Variants in KIF5C observed in about 807,000 individuals in gnomAD.
The protein encoded by KIF5C is kinesin heavy chain isoform 5C.
Under a neutral mutation model 125.2 loss-of-function variants are expected in KIF5C, and 18 were observed. That is an observed-to-expected ratio of 0.14 (90% CI 0.10 to 0.21). KIF5C has a LOEUF of 0.21. Among genes scored for constraint, KIF5C ranks in the 10% least tolerant of loss-of-function variants. KIF5C has a pLI of 1.00. For synonymous variants in KIF5C, 405 were observed against 434.0 expected (o/e 0.93, Z 0.83); for missense variants, 780 against 1,183.8 (o/e 0.66, Z 5.01).
chr2:148,941,540 A>C, intron 4 of KIF5C, 70 bp from the exon 5 acceptor site: 1 of 1,538,300 alleles, frequency 6.5e-7, no homozygotes, highest in South Asian at 1.2e-5. Context: ...AGCTTTCATA[A>C]GTACTAATAA....
rs933236763 is a variant in KIF5C at position 148,987,602 on chromosome 2, A to G, written c.1717-3408A>G. The stretch of plus-strand genomic sequence containing the variant: ...TATGACCAGGCGTTTCCAACTTCCC[A>G]ATCTGTCCTGGGCTGGAACTCGGTA... On this transcript the variant is annotated intron_variant, in intron 15 of 25. Coordinates refer to ENST00000435030, the MANE Select transcript of KIF5C (RefSeq NM_004522.3). 3.3e-5 allele frequency among the ~76,000 whole-genome samples: 5 copies of G among 152,058 alleles called. No individual in the cohort carries two copies. The South Asian group carries it at 1.0e-3, about 32-fold the overall frequency.
chr2:149,017,435 T>C (rs1039218031), intron 25 of KIF5C, among the ~76,000 whole-genome samples: 2 of 152,202 alleles, frequency 1.3e-5, no homozygotes, highest in Non-Finnish European at 2.9e-5. Flanking sequence ...CAGGCAGTGC[T>C]GAGTCTTCTT....
In KIF5C at chr2:148,981,547, C is replaced by T. The variant is rs1288076977; in HGVS notation, c.1555C>T (p.Leu519=). ...GGCCAATGAGCAGCTGACAGACGAG[C>T]TGGCCCAGAAAACGGTTGGAGCATT... is the stretch of plus-strand genomic sequence containing the variant. ...TRANEQLTDE[L]AQKTTTLTTT... Residue 519 remains leucine (L), a synonymous_variant, in exon 14 of 26, where the codon CTG becomes TTG. Transcript: ENST00000435030. 1 of 1,598,040 alleles carries T rather than the reference C, an allele frequency of 6.3e-7. No homozygotes were observed. Among genetic ancestry groups the T allele is most frequent in the Non-Finnish European group, 8.5e-7 (1 of 1,172,488 alleles).
intron 16 of KIF5C, among the ~76,000 whole-genome samples, chr2:148,994,034 G>A (rs761453514): frequency 1.3e-5 from 2 of 152,162 alleles, no homozygotes; most frequent in African/African-American, 4.8e-5. Flanking sequence ...ATAATTGAAT[G>A]GTGAAGATGG....
chr2:148,880,309 T>C (rs1181219742), intron 1 of KIF5C, among the ~76,000 whole-genome samples: 1 of 152,138 alleles, frequency 6.6e-6, no homozygotes, highest in Non-Finnish European at 1.5e-5. Flanking sequence ...TTAGTAGAGA[T>C]GGGGTTTCAC....
chr2:148,927,550 G>A (rs1214322609), intron 2 of KIF5C, among the ~76,000 whole-genome samples: 1 of 151,964 alleles, frequency 6.6e-6, no homozygotes, highest in African/African-American at 2.4e-5. Context: ...TGGTAATTTC[G>A]AATAAATGGA....
intron 10 of KIF5C, among the ~76,000 whole-genome samples, chr2:148,957,991 A>G (rs1682838912): frequency 6.6e-6 from 1 of 151,382 alleles, no homozygotes; most frequent in Admixed American, 6.6e-5. Flanking sequence ...TCTTTCATAC[A>G]GCGTTTTATC....
intron 1 of KIF5C, among the ~76,000 whole-genome samples, chr2:148,909,989 G>T (rs1681268121): frequency 1.3e-5 from 2 of 152,178 alleles, no homozygotes; most frequent in South Asian, 4.1e-4. Context: ...GGTAGTCTCT[G>T]CCTGGCACTT....
At chr2:148,998,938 C>T (rs61586364) in intron 19 of KIF5C, 2,410 of 159,654 alleles carry the variant, frequency 0.015, 60 homozygotes, top group African/African-American at 0.055. Flanking sequence ...ACAGCACCAC[C>T]GCCTCCCCTT....
At position 148,941,937 on chromosome 2, in the gene KIF5C, T is replaced by C; in HGVS notation, c.448T>C (p.Ser150Pro). ...TGCTGTCATTCTCATCTTTTTAGTA[T>C]CCAAGACCAACTTGGCTGTTCATGA... ...LDKIRDLLDV[S>P]KTNLAVHEDK... The change falls in exon 6 of 26, where the codon TCC (serine) becomes CCC (proline). Residue 150 changes from serine to proline, a missense_variant and splice_region_variant. Physicochemically the swap from Ser to Pro is moderately conservative, Grantham distance 74 (BLOSUM62 -1). Transcript: ENST00000435030. 6.2e-7 allele frequency: 1 copy of C among 1,612,114 alleles called. No individual in the cohort carries two copies. Among genetic ancestry groups the C allele is most frequent in the Non-Finnish European group, 8.5e-7 (1 of 1,179,588 alleles).
intron 25 of KIF5C, among the ~76,000 whole-genome samples, chr2:149,016,339 G>C (rs529554800): frequency 6.6e-6 from 1 of 151,184 alleles, no homozygotes; most frequent in East Asian, 1.9e-4. Context: ...GAAGGGGTAG[G>C]AATGGGGTAA....
chr2:148,889,863 G>T (rs1026913407), intron 1 of KIF5C, among the ~76,000 whole-genome samples: 5 of 152,156 alleles, frequency 3.3e-5, no homozygotes, highest in African/African-American at 1.2e-4. Flanking sequence ...ACCTGAGTAA[G>T]GTAAACAAAA....
At position 148,875,598 on chromosome 2, in the gene KIF5C, C is replaced by G. The variant is rs1321093485; in HGVS notation, c.-20C>G. 5.3e-6 allele frequency: 8 copies of G among 1,516,696 alleles called. 1 individual carries two copies. Among genetic ancestry groups the G allele is most frequent in the African/African-American group, 2.8e-5 (2 of 71,904 alleles). The allele number at this position is 1,516,696 out of a possible 1,614,324, so 94.0% of individuals were successfully genotyped here. ...CGGCCCCCCACCCATCCCCGTGCCCCCTCCCTACCGCCGGCCGAGATGGCG... is the reference window on the plus strand; with the variant it reads ...CGGCCCCCCACCCATCCCCGTGCCCGCTCCCTACCGCCGGCCGAGATGGCG... On this transcript the variant is annotated 5_prime_UTR_variant, in exon 1 of 26. Transcript: ENST00000435030.
At chr2:148,952,251 A>G (rs932524552) in intron 10 of KIF5C, among the ~76,000 whole-genome samples, 1 of 152,186 alleles carries the variant, frequency 6.6e-6, no homozygotes, top group African/African-American at 2.4e-5. Flanking sequence ...GTGCATTTAT[A>G]AAGGAAACAT....
At chr2:148,883,157 C>T (rs1274798447) in intron 1 of KIF5C, among the ~76,000 whole-genome samples, 1 of 152,034 alleles carries the variant, frequency 6.6e-6, no homozygotes, top group Non-Finnish European at 1.5e-5. Context: ...CAATATGTTG[C>T]CTGCTCAGTG....
intron 2 of KIF5C, among the ~76,000 whole-genome samples, chr2:148,926,916 C>T (rs188319137): frequency 6.6e-6 from 1 of 151,964 alleles, no homozygotes; most frequent in African/African-American, 2.4e-5. Flanking sequence ...CTTTCAGGGC[C>T]GTGATTGTAA....
chr2:148,931,477 A>G (rs1682184774), intron 3 of KIF5C, among the ~76,000 whole-genome samples: 1 of 151,856 alleles, frequency 6.6e-6, no homozygotes, highest in Admixed American at 6.6e-5. Context: ...CCTGGCTAAC[A>G]TGGCGAAACC....
rs1682141644 is a variant in KIF5C, at chr2:149,010,167, A to G, written c.2583A>G (p.Glu861=). The change falls in exon 24 of 26, where the codon GAA becomes GAG. Residue 861 remains glutamate (E), a synonymous_variant. Coordinates refer to ENST00000435030, the MANE Select transcript of KIF5C (RefSeq NM_004522.3). Reference sequence around the variant, plus strand: ...GGGACAACGCAGACCTGCGCTGTGAACTGCCCAAGCTGGAGAAGCGGCTGC... The same window carrying G: ...GGGACAACGCAGACCTGCGCTGTGAGCTGCCCAAGCTGGAGAAGCGGCTGC... ...LVRDNADLRC[E]LPKLEKRLRA... The G allele has an allele frequency of 6.4e-7, 1 of 1,552,550 alleles. No homozygotes were observed. Among genetic ancestry groups the G allele is most frequent in the Non-Finnish European group, 8.7e-7 (1 of 1,147,704 alleles).
chr2:148,956,853 C>T (rs1027024694), intron 10 of KIF5C, among the ~76,000 whole-genome samples: 1 of 152,130 alleles, frequency 6.6e-6, no homozygotes, highest in Non-Finnish European at 1.5e-5. Context: ...AAATGAAGAA[C>T]CCACTTTTGT....
Sources: allele counts gnomAD v4.1 joint callset (sites outside exome capture counted in the v4.1 genomes callset), GRCh38; gene constraint gnomAD v4.1.1; transcripts MANE v1.5; gene names NCBI Gene and HGNC (gene_info 2026-07-23, HGNC 2026-07-21).